Variants in PIK3C2G observed in about 807,000 individuals in gnomAD.
PIK3C2G encodes phosphatidylinositol 3-kinase C2 domain-containing subunit gamma.
PIK3C2G carries 168 observed loss-of-function variants against 181.1 expected under a neutral mutation model. The ratio of observed to expected loss-of-function variants is 0.93; its 90% CI spans 0.82 to 1.05. The LOEUF is 1.05. Among genes scored for constraint, PIK3C2G ranks in the 50% least tolerant of loss-of-function variants. PIK3C2G has a pLI of 0.00. For missense variants in PIK3C2G, 1,869 were observed against 1,732.8 expected, an observed-to-expected ratio of 1.08 and a Z score of -1.40; for synonymous variants, 573 against 592.2, an observed-to-expected ratio of 0.97 and a Z score of 0.47.
chr12:18,624,354 A>T (rs1363129224), intron 31 of PIK3C2G, among the ~76,000 whole-genome samples: 1 of 151,824 alleles, frequency 6.6e-6, no homozygotes, highest in Non-Finnish European at 1.5e-5. Flanking sequence ...CATATGTAGA[A>T]TCATCCTTGC....
the PIK3C2G span, among the ~76,000 whole-genome samples, chr12:18,674,959 G>A: frequency 3.9e-5 from 6 of 152,064 alleles, no homozygotes; most frequent in Admixed American, 1.3e-4. Flanking sequence ...CTCCAGTCAC[G>A]TGAGTGAAGC....
chr12:18,586,892 G>T (rs1234077049), intron 29 of PIK3C2G, among the ~76,000 whole-genome samples: 1 of 152,086 alleles, frequency 6.6e-6, no homozygotes, highest in African/African-American at 2.4e-5. Context: ...GGGATGAAAG[G>T]TTGGGTCAAC....
At chr12:18,692,827 A>G in the PIK3C2G span, 2 of 1,570,450 alleles carry the variant, frequency 1.3e-6, no homozygotes, top group South Asian at 2.2e-5. Flanking sequence ...AAGCTCTAAC[A>G]ACTCAAGGAC....
chr12:18,260,264 C>T (rs969088477), upstream of PIK3C2G, among the ~76,000 whole-genome samples: 1 of 151,936 alleles, frequency 6.6e-6, no homozygotes, highest in Non-Finnish European at 1.5e-5. Flanking sequence ...AATAGTGGCT[C>T]ATTTTAGGAA....
chr12:18,572,768 G>A (rs1011800207), intron 29 of PIK3C2G, among the ~76,000 whole-genome samples: 10 of 151,804 alleles, frequency 6.6e-5, no homozygotes. Flanking sequence ...TCTTACTCCT[G>A]TATTTTTTAA....
At chr12:18,559,291 T>G (rs1204933777) in intron 26 of PIK3C2G, among the ~76,000 whole-genome samples, 6 of 152,118 alleles carry the variant, frequency 3.9e-5, no homozygotes, top group African/African-American at 1.4e-4. Flanking sequence ...TTGGACAACA[T>G]TTATGACAAA....
At chr12:18,449,084 T>A (rs558685894) in intron 18 of PIK3C2G, among the ~76,000 whole-genome samples, 15 of 152,150 alleles carry the variant, frequency 9.9e-5, no homozygotes, top group African/African-American at 3.6e-4. Context: ...ATAATAGTTG[T>A]ACCAATTTAC....
chr12:18,245,200 A>C (rs1394609158), upstream of PIK3C2G, among the ~76,000 whole-genome samples: 1 of 152,136 alleles, frequency 6.6e-6, no homozygotes, highest in Admixed American at 6.5e-5. Context: ...TCTATTTTAT[A>C]TAATTCATGT....
At chr12:18,558,004 G>C (rs1945097708) in intron 26 of PIK3C2G, among the ~76,000 whole-genome samples, 1 of 152,068 alleles carries the variant, frequency 6.6e-6, no homozygotes, top group African/African-American at 2.4e-5. Context: ...AACTTGATAA[G>C]CTAATTCTAA....
intron 5 of PIK3C2G, among the ~76,000 whole-genome samples, chr12:18,308,393 T>C (rs1950505186): frequency 6.6e-6 from 1 of 151,590 alleles, no homozygotes; most frequent in Non-Finnish European, 1.5e-5. Context: ...CCATAAATTA[T>C]CTCTCTAAAA....
At chr12:18,558,664 C>A (rs538134810) in intron 26 of PIK3C2G, among the ~76,000 whole-genome samples, 45 of 152,272 alleles carry the variant, frequency 3.0e-4, no homozygotes, top group Admixed American at 1.7e-3. Flanking sequence ...GCCTAAAATG[C>A]ATTTCATCAG....
At chr12:18,554,285 G>T (rs1423712512) in intron 26 of PIK3C2G, among the ~76,000 whole-genome samples, 1 of 152,008 alleles carries the variant, frequency 6.6e-6, no homozygotes, top group African/African-American at 2.4e-5. Flanking sequence ...AAATATAAAT[G>T]TTCTTTAACT....
At chr12:18,421,092 G>T (rs1592216921) in intron 17 of PIK3C2G, 58 bp downstream of exon 17, 1 of 947,648 alleles carries the variant, frequency 1.1e-6, no homozygotes, top group Middle Eastern at 2.1e-4. Context: ...TCTCTAAAAG[G>T]TTCCTAATGA....
the PIK3C2G span, chr12:18,701,474 T>A: frequency 6.2e-7 from 1 of 1,614,044 alleles, no homozygotes; most frequent in Non-Finnish European, 8.5e-7. Context: ...CAATCACTTG[T>A]AAGATTTTCA....
At chr12:18,681,487 A>G in the PIK3C2G span, among the ~76,000 whole-genome samples, 1 of 152,082 alleles carries the variant, frequency 6.6e-6, no homozygotes, top group African/African-American at 2.4e-5. Flanking sequence ...TCTAAATGTG[A>G]GAACATTCCC....
intron 5 of PIK3C2G, among the ~76,000 whole-genome samples, chr12:18,311,788 A>G (rs1407849531): frequency 6.6e-6 from 1 of 152,088 alleles, no homozygotes; most frequent in Non-Finnish European, 1.5e-5. Flanking sequence ...GAGTTTATTA[A>G]GGAGTATTGA....
At chr12:18,398,487 AG>A (rs1944028639) in intron 15 of PIK3C2G, among the ~76,000 whole-genome samples, 1 of 152,214 alleles carries the variant, frequency 6.6e-6, no homozygotes, top group Non-Finnish European at 1.5e-5. Context: ...GACCTTTAAA[AG>A]ATTTTTTTAT....
intron 29 of PIK3C2G, among the ~76,000 whole-genome samples, chr12:18,568,625 T>C (rs1226790682): frequency 6.6e-6 from 1 of 152,134 alleles, no homozygotes; most frequent in East Asian, 1.9e-4. Context: ...GGCCTACCCA[T>C]ATTATGAAGA....
In PIK3C2G at chr12:18,573,441, A is replaced by G. The variant is rs75099615; in HGVS notation, c.4011+6384A>G. Among the ~76,000 whole-genome samples, 917 of 152,292 alleles carry G rather than the reference A, an allele frequency of 6.0e-3. 5 individuals are homozygous for G. Among genetic ancestry groups the G allele is most frequent in the African/African-American group, 0.021 (871 of 41,552 alleles). ...TTCTCCTGTGTCTGCAAAGTGGTCA[A>G]AAGTGCTGCTTAACTTCTCAGCCTC... On this transcript the variant is annotated intron_variant, in intron 29 of 32. Transcript: ENST00000538779.
Sources: gnomAD v4.1 joint callset for allele counts (sites outside exome capture counted in the v4.1 genomes callset) on GRCh38, gnomAD v4.1.1 for gene constraint, MANE v1.5 for transcripts, NCBI Gene and HGNC (gene_info 2026-07-23, HGNC 2026-07-21) for gene names.